PCDH7: variants seen among roughly 807,000 people sequenced by gnomAD.
PCDH7 encodes the protein protocadherin 7, also known as protocadherin-7.
Under a neutral mutation model 58.9 loss-of-function variants are expected in PCDH7, and 17 were observed. That is an observed-to-expected ratio of 0.29 (90% CI 0.20 to 0.43). The LOEUF (loss-of-function observed/expected upper bound fraction) is 0.43. Among genes scored for constraint, PCDH7 ranks in the 20% least tolerant of loss-of-function variants. The pLI is 1.00. For synonymous variants in PCDH7, 664 were observed against 616.4 expected (o/e 1.08, Z -1.14); for missense variants, 1,274 against 1,441.0 (o/e 0.88, Z 1.88).
chr4:30,746,126 G>A (rs1023336593), intron 1 of PCDH7, among the ~76,000 whole-genome samples: 1 of 152,158 alleles, frequency 6.6e-6, no homozygotes, highest in Non-Finnish European at 1.5e-5. Flanking sequence ...ACTGTGCCTG[G>A]CTAAAGAGAT....
downstream of PCDH7, among the ~76,000 whole-genome samples, chr4:30,735,779 A>G (rs1366619715): frequency 6.6e-6 from 1 of 152,142 alleles, no homozygotes; most frequent in Non-Finnish European, 1.5e-5. Context: ...ACAAAAGCAA[A>G]TGTTTGTGGC....
At chr4:30,949,747 T>A (rs1486571276) in intron 2 of PCDH7, among the ~76,000 whole-genome samples, 1 of 152,202 alleles carries the variant, frequency 6.6e-6, no homozygotes, top group South Asian at 2.1e-4. Context: ...CTACTGTATG[T>A]TAGAAAGAAA....
intron 3 of PCDH7, among the ~76,000 whole-genome samples, chr4:31,056,512 A>AGAAAGAAAGAAAGAAG (rs1560608886): frequency 1.2e-4 from 12 of 101,512 alleles, no homozygotes; most frequent in African/African-American, 4.7e-4. Flanking sequence ...AAAGAAAGAA[A>AGAAAGAAAGAAAGAAG]GAAAGGGGAA....
chr4:30,923,479 C>A (rs541848672), intron 2 of PCDH7, among the ~76,000 whole-genome samples: 1 of 152,232 alleles, frequency 6.6e-6, no homozygotes, highest in African/African-American at 2.4e-5. Flanking sequence ...GTTTAACAAG[C>A]TTTACGCTAT....
intron 3 of PCDH7, among the ~76,000 whole-genome samples, chr4:31,105,692 A>G (rs1011374228): frequency 6.6e-6 from 1 of 152,160 alleles, no homozygotes; most frequent in Admixed American, 6.5e-5. Context: ...AGCTCATTCT[A>G]TGAATGTAAG....
intron 1 of PCDH7, among the ~76,000 whole-genome samples, chr4:30,860,060 G>A (rs547064501): frequency 6.6e-6 from 1 of 152,252 alleles, no homozygotes; most frequent in Admixed American, 6.5e-5. Flanking sequence ...AGCACCTACC[G>A]TGTGTTCGAT....
intron 3 of PCDH7, among the ~76,000 whole-genome samples, chr4:31,080,051 C>T (rs1005801184): frequency 6.6e-6 from 1 of 152,130 alleles, no homozygotes; most frequent in Non-Finnish European, 1.5e-5. Context: ...CTAATACCTT[C>T]CTGCAATAAG....
At chr4:31,029,123 T>G (rs1207801239) in intron 3 of PCDH7, among the ~76,000 whole-genome samples, 1 of 152,246 alleles carries the variant, frequency 6.6e-6, no homozygotes, top group Non-Finnish European at 1.5e-5. Flanking sequence ...TTTCTTTGAT[T>G]TTGAAATGCC....
intron 3 of PCDH7, among the ~76,000 whole-genome samples, chr4:30,970,638 C>G (rs1364424344): frequency 6.6e-6 from 1 of 152,236 alleles, no homozygotes; most frequent in Admixed American, 6.5e-5. Context: ...TTCCTCTTAA[C>G]ACTTTTTGGA....
At chr4:31,087,391 A>C (rs935900179) in intron 3 of PCDH7, among the ~76,000 whole-genome samples, 4 of 152,146 alleles carry the variant, frequency 2.6e-5, no homozygotes, top group African/African-American at 9.7e-5. Flanking sequence ...TACTATTCTT[A>C]AGGAAAAACT....
At chr4:31,120,076 G>A (rs891582208) in intron 3 of PCDH7, among the ~76,000 whole-genome samples, 8 of 152,062 alleles carry the variant, frequency 5.3e-5, no homozygotes, top group Non-Finnish European at 8.8e-5. Flanking sequence ...TCCTGGTGGG[G>A]TGTGAGGGCT....
chr4:31,047,499 A>G lies in PCDH7; in HGVS notation c.*8-94974A>G, dbSNP rs568831519. Among the ~76,000 whole-genome samples the G allele has an allele frequency of 6.6e-5, 10 of 152,136 alleles. 1 individual carries two copies. In the South Asian group the frequency reaches 1.0e-3, roughly 16 times the overall value. ...GCCTTTCCCTGATTATCTAGCTTCT[A>G]TTCACTCCATAGGAGTCACACAATT... On this transcript the variant is annotated intron_variant, in intron 3 of 3. Transcript: ENST00000509759.
chr4:30,967,084 A>AT (rs1213182357), intron 3 of PCDH7, among the ~76,000 whole-genome samples: 1 of 152,140 alleles, frequency 6.6e-6, no homozygotes, highest in Non-Finnish European at 1.5e-5. Context: ...AAATGTGGAT[A>AT]TTTAAAGTGA....
intron 3 of PCDH7, among the ~76,000 whole-genome samples, chr4:31,134,396 G>A (rs1719345875): frequency 6.6e-6 from 1 of 152,072 alleles, no homozygotes; most frequent in Admixed American, 6.6e-5. Context: ...GGAGGTGGAG[G>A]TTGCAGTGAG....
chr4:31,059,381 A>C (rs1757499860), intron 3 of PCDH7, among the ~76,000 whole-genome samples: 1 of 151,874 alleles, frequency 6.6e-6, no homozygotes, highest in African/African-American at 2.4e-5. Context: ...ACTATTTTTT[A>C]AAATCAATTT....
At chr4:31,007,724 GC>G (rs1265563764) in intron 3 of PCDH7, among the ~76,000 whole-genome samples, 1 of 151,834 alleles carries the variant, frequency 6.6e-6, no homozygotes, top group African/African-American at 2.4e-5. Context: ...GTAATTGTGT[GC>G]CGTATGTGGT....
At chr4:30,963,420 G>A (rs1015505343) in intron 3 of PCDH7, among the ~76,000 whole-genome samples, 2 of 152,096 alleles carry the variant, frequency 1.3e-5, no homozygotes, top group African/African-American at 4.8e-5. Context: ...TTAAGACCAA[G>A]TATATATTTG....
At chr4:31,059,817 C>G (rs1757541675) in intron 3 of PCDH7, among the ~76,000 whole-genome samples, 1 of 151,640 alleles carries the variant, frequency 6.6e-6, no homozygotes, top group African/African-American at 2.4e-5. Context: ...ATAATTGAAG[C>G]ATTATACATA....
At chr4:31,025,302 A>C (rs1754338258) in intron 3 of PCDH7, among the ~76,000 whole-genome samples, 1 of 152,186 alleles carries the variant, frequency 6.6e-6, no homozygotes, top group Non-Finnish European at 1.5e-5. Context: ...TTTCATTTTT[A>C]GCTACGAAAA....
Sources: gnomAD v4.1 joint callset for allele counts (sites outside exome capture counted in the v4.1 genomes callset) on GRCh38, gnomAD v4.1.1 for gene constraint, MANE v1.5 for transcripts, NCBI Gene and HGNC (gene_info 2026-07-23, HGNC 2026-07-21) for gene names.